TRPM3: variants seen among roughly 807,000 people sequenced by gnomAD.
TRPM3 encodes the protein long transient receptor potential channel 3.
TRPM3 carries 77 observed loss-of-function variants against 181.2 expected under a neutral mutation model. The ratio of observed to expected loss-of-function variants is 0.42; its 90% CI spans 0.35 to 0.51. The LOEUF is 0.51. Ranked by LOEUF, TRPM3 falls within the 20% of genes least tolerant of loss-of-function variation. The pLI is 0.01. For missense variants in TRPM3, 1,759 were observed against 2,196.7 expected (o/e 0.80, Z 3.98); for synonymous variants, 745 against 796.4 (o/e 0.94, Z 1.09).
intron 1 of TRPM3, among the ~76,000 whole-genome samples, chr9:71,394,732 C>T (rs2093149446): frequency 6.6e-6 from 1 of 152,172 alleles, no homozygotes; most frequent in Non-Finnish European, 1.5e-5. Context: ...GACTACAAAA[C>T]TCAGATTTAG....
At chr9:71,194,626 G>A (rs965180822) in intron 1 of TRPM3, among the ~76,000 whole-genome samples, 5 of 151,894 alleles carry the variant, frequency 3.3e-5, no homozygotes, top group African/African-American at 7.3e-5. Flanking sequence ...GAACTCTGAC[G>A]CAAGTGAGAG....
At chr9:71,192,369 C>T (rs2078085322) in intron 1 of TRPM3, among the ~76,000 whole-genome samples, 1 of 151,652 alleles carries the variant, frequency 6.6e-6, no homozygotes, top group Admixed American at 6.6e-5. Context: ...ATTAAGGACA[C>T]TAATAAATTA....
At chr9:71,357,451 T>C (rs2091949516) in intron 1 of TRPM3, among the ~76,000 whole-genome samples, 1 of 152,184 alleles carries the variant, frequency 6.6e-6, no homozygotes, top group Non-Finnish European at 1.5e-5. Flanking sequence ...ACACGTTTTA[T>C]TGTACTGAAA....
At chr9:71,166,938 T>C (rs113612079) in intron 1 of TRPM3, among the ~76,000 whole-genome samples, 2 of 152,244 alleles carry the variant, frequency 1.3e-5, no homozygotes, top group African/African-American at 4.8e-5. Flanking sequence ...TGAGAAATAA[T>C]ATGAAAATGT....
chr9:70,939,020 C>T (rs1180710185), intron 1 of TRPM3, among the ~76,000 whole-genome samples: 1 of 151,362 alleles, frequency 6.6e-6, no homozygotes, highest in African/African-American at 2.4e-5. Context: ...CTTTAAAGTT[C>T]ACTTTGCATA....
chr9:71,413,107 G>A (rs1427994360), intron 1 of TRPM3, among the ~76,000 whole-genome samples: 1 of 152,102 alleles, frequency 6.6e-6, no homozygotes. Context: ...GTGGGGTTGG[G>A]GGAGGGGGAC....
At chr9:70,784,962 A>G (rs906080927) in intron 6 of TRPM3, among the ~76,000 whole-genome samples, 2 of 152,166 alleles carry the variant, frequency 1.3e-5, no homozygotes, top group Admixed American at 1.3e-4. Context: ...CCCAGGTTCA[A>G]GCAATTCTCC....
At chr9:71,037,440 T>G (rs547041845) in intron 1 of TRPM3, among the ~76,000 whole-genome samples, 1 of 152,256 alleles carries the variant, frequency 6.6e-6, no homozygotes, top group Non-Finnish European at 1.5e-5. Flanking sequence ...GGGTTACAAG[T>G]GCTCCATGAA....
At chr9:71,104,790 A>G (rs1164913923) in intron 1 of TRPM3, among the ~76,000 whole-genome samples, 4 of 152,196 alleles carry the variant, frequency 2.6e-5, no homozygotes, top group Non-Finnish European at 4.4e-5. Flanking sequence ...TCACAATGAG[A>G]AAAAGCTATA....
intron 1 of TRPM3, among the ~76,000 whole-genome samples, chr9:71,224,446 C>T (rs1193278448): frequency 6.6e-6 from 1 of 152,316 alleles, no homozygotes; most frequent in East Asian, 1.9e-4. Context: ...CAAACAAGCT[C>T]ATACTGCAAA....
At chr9:70,679,497 C>T (rs965737303) in intron 9 of TRPM3, among the ~76,000 whole-genome samples, 11 of 152,178 alleles carry the variant, frequency 7.2e-5, no homozygotes, top group African/African-American at 2.7e-4. Flanking sequence ...ATCACTTCCC[C>T]ATTTGCTGTG....
intron 1 of TRPM3, among the ~76,000 whole-genome samples, chr9:71,441,796 C>A (rs1027434827): frequency 7.9e-5 from 12 of 152,008 alleles, no homozygotes; most frequent in Non-Finnish European, 1.2e-4. Flanking sequence ...CCACCCCCAG[C>A]CAATTTTTGT....
intron 1 of TRPM3, among the ~76,000 whole-genome samples, chr9:70,904,533 G>A (rs577945216): frequency 3.7e-4 from 56 of 152,154 alleles, no homozygotes; most frequent in African/African-American, 1.2e-3. Context: ...CCTCAGAGGC[G>A]GATAAGTAGG....
At chr9:71,212,469 AG>A (rs2079567955) in intron 1 of TRPM3, among the ~76,000 whole-genome samples, 9 of 152,278 alleles carry the variant, frequency 5.9e-5, no homozygotes, top group Admixed American at 5.2e-4. Context: ...AAAGTTTCCA[AG>A]GGAATATACT....
At chr9:71,055,700 A>T (rs1468540981) in intron 1 of TRPM3, among the ~76,000 whole-genome samples, 1 of 152,064 alleles carries the variant, frequency 6.6e-6, no homozygotes, top group Non-Finnish European at 1.5e-5. Flanking sequence ...TCTTTATGCC[A>T]GTTCCTTAAA....
At chr9:71,044,535 G>A (rs1179143011) in intron 1 of TRPM3, among the ~76,000 whole-genome samples, 2 of 152,054 alleles carry the variant, frequency 1.3e-5, no homozygotes, top group Non-Finnish European at 2.9e-5. Context: ...GTATTAATAC[G>A]ATGTTTTTAT....
intron 1 of TRPM3, among the ~76,000 whole-genome samples, chr9:71,227,263 C>T (rs1322998829): frequency 6.6e-6 from 1 of 151,674 alleles, no homozygotes; most frequent in African/African-American, 2.4e-5. Flanking sequence ...AGTGAATCAA[C>T]AAAGAGATTA....
At chr9:70,878,892 C>A (rs565043889) in intron 1 of TRPM3, among the ~76,000 whole-genome samples, 1 of 152,088 alleles carries the variant, frequency 6.6e-6, no homozygotes, top group African/African-American at 2.4e-5. Flanking sequence ...GATTCCCTTA[C>A]ATCTAAGTTG....
intron 1 of TRPM3, among the ~76,000 whole-genome samples, chr9:71,374,646 G>A (rs1045170253): frequency 6.6e-6 from 1 of 152,166 alleles, no homozygotes; most frequent in African/African-American, 2.4e-5. Context: ...AGGAAAAGAG[G>A]AAGTCAAATT....
Sources: allele counts gnomAD v4.1 joint callset (sites outside exome capture counted in the v4.1 genomes callset), GRCh38; gene constraint gnomAD v4.1.1; transcripts MANE v1.5; gene names NCBI Gene and HGNC (gene_info 2026-07-23, HGNC 2026-07-21).